Variants in ADAMTSL3 observed in about 807,000 individuals in gnomAD.
The protein encoded by ADAMTSL3 is ADAMTS like 3, also known as ADAMTS-like protein 3.
Under a neutral mutation model 201.7 loss-of-function variants are expected in ADAMTSL3, and 128 were observed. The observed-to-expected ratio is 0.63, with a 90% CI of 0.55 to 0.73. The LOEUF (loss-of-function observed/expected upper bound fraction) is 0.73. Ranked by LOEUF, ADAMTSL3 falls within the 30% of genes least tolerant of loss-of-function variation. The probability of loss-of-function intolerance (pLI) is 0.00; values close to 1 mark genes in which losing one functional copy is unlikely to be tolerated. For missense variants in ADAMTSL3, 1,990 were observed against 2,119.6 expected (o/e 0.94, Z 1.20); for synonymous variants, 738 against 748.4 (o/e 0.99, Z 0.23).
At chr15:83,920,110 C>T (rs1217534710) in intron 16 of ADAMTSL3, among the ~76,000 whole-genome samples, 2 of 152,150 alleles carry the variant, frequency 1.3e-5, no homozygotes, top group East Asian at 3.8e-4. Flanking sequence ...CATGTAAATG[C>T]ACTCTATTTT....
chr15:83,750,308 A>ACAGGG (rs2062618680), intron 3 of ADAMTSL3, among the ~76,000 whole-genome samples: 1 of 152,246 alleles, frequency 6.6e-6, no homozygotes, highest in Non-Finnish European at 1.5e-5. Context: ...CTACTTAAAT[A>ACAGGG]ATAATGAAAA....
intron 3 of ADAMTSL3, among the ~76,000 whole-genome samples, chr15:83,769,268 A>G (rs1007322501): frequency 5.3e-5 from 8 of 152,152 alleles, no homozygotes; most frequent in African/African-American, 1.9e-4. Context: ...TTCACATTCA[A>G]CCTTTTGGTA....
chr15:83,790,050 TTAAA>T (rs1596213036), intron 4 of ADAMTSL3, among the ~76,000 whole-genome samples: 2 of 151,738 alleles, frequency 1.3e-5, no homozygotes, highest in East Asian at 1.9e-4. Context: ...AATAAGTAAT[TTAAA>T]TAACACCATA....
chr15:83,798,857 C>T (rs73437294), intron 4 of ADAMTSL3, among the ~76,000 whole-genome samples: 36 of 148,056 alleles, frequency 2.4e-4, no homozygotes, highest in African/African-American at 7.9e-4. Flanking sequence ...CACTTTTTGG[C>T]TATAATGAAA....
intron 5 of ADAMTSL3, among the ~76,000 whole-genome samples, chr15:83,808,842 G>C (rs1349400599): frequency 1.3e-5 from 2 of 150,620 alleles, no homozygotes; most frequent in Non-Finnish European, 2.9e-5. Flanking sequence ...TGAATCTAGA[G>C]GATATTATGT....
At chr15:84,024,562 A>G (rs1194474115) in intron 26 of ADAMTSL3, among the ~76,000 whole-genome samples, 1 of 152,222 alleles carries the variant, frequency 6.6e-6, no homozygotes, top group African/African-American at 2.4e-5. Context: ...GTTTCCTTGG[A>G]TAACCATGGA....
At chr15:84,003,860 C>T (rs965553146) in intron 23 of ADAMTSL3, among the ~76,000 whole-genome samples, 1 of 152,150 alleles carries the variant, frequency 6.6e-6, no homozygotes. Context: ...TAGTTCATTC[C>T]GGCTGCTATG....
chr15:83,979,046 C>T (rs2067339359), intron 20 of ADAMTSL3, among the ~76,000 whole-genome samples: 1 of 152,236 alleles, frequency 6.6e-6, no homozygotes, highest in South Asian at 2.1e-4. Flanking sequence ...ACCCACTTTC[C>T]TGCTGGTCCC....
chr15:83,857,482 A>G (rs1252038150), intron 7 of ADAMTSL3, among the ~76,000 whole-genome samples: 2 of 152,046 alleles, frequency 1.3e-5, no homozygotes, highest in African/African-American at 2.4e-5. Flanking sequence ...TACTTTTATC[A>G]GTTGTAGAGT....
At chr15:83,726,695 C>CATTG (rs2062181040) in intron 3 of ADAMTSL3, among the ~76,000 whole-genome samples, 1 of 151,790 alleles carries the variant, frequency 6.6e-6, no homozygotes, top group Admixed American at 6.6e-5. Flanking sequence ...TGATGTGTCA[C>CATTG]ATTGATTTGC....
chr15:83,706,286 A>G (rs1456488797), intron 3 of ADAMTSL3, among the ~76,000 whole-genome samples: 1 of 152,188 alleles, frequency 6.6e-6, no homozygotes, highest in Non-Finnish European at 1.5e-5. Flanking sequence ...TAATAACAAT[A>G]TAAAAGCTGG....
At chr15:83,852,745 T>G (rs1404908304) in intron 7 of ADAMTSL3, among the ~76,000 whole-genome samples, 1 of 152,206 alleles carries the variant, frequency 6.6e-6, no homozygotes, top group African/African-American at 2.4e-5. Context: ...TCTTTGACAT[T>G]TAATTTTGCT....
At position 83,982,745 on chromosome 15, in the gene ADAMTSL3, C is replaced by T. The variant is rs751554655; in HGVS notation, c.3117C>T (p.Asn1039=). The T allele has an allele frequency of 1.2e-6, 2 of 1,613,986 alleles. No homozygotes were observed. Among genetic ancestry groups the T allele is most frequent in the African/African-American group, 1.3e-5 (1 of 75,026 alleles). ...TWHKMRQMWN[N]KNDLYLDDDH... ...ACAAAATGAGGCAAATGTGGAATAA[C>T]AAAAATGACCTTTATCTGGATGATG... The change falls in exon 21 of 30, where the codon AAC becomes AAT. Residue 1039 remains asparagine, a synonymous_variant. Transcript: ENST00000286744.
chr15:83,891,523 T>C, intron 12 of ADAMTSL3, 144 bp downstream of exon 12: 1 of 642,216 alleles, frequency 1.6e-6, no homozygotes, highest in Non-Finnish European at 2.6e-6. Context: ...TACTCAATAA[T>C]AGGAAAAATC....
chr15:83,887,934 C>T (rs1005001810), intron 10 of ADAMTSL3, among the ~76,000 whole-genome samples: 2 of 152,116 alleles, frequency 1.3e-5, no homozygotes, highest in Admixed American at 6.5e-5. Flanking sequence ...TGTTCTTACA[C>T]ATAGTCATTC....
Position 83,885,967 on chromosome 15 carries a change from A to G in ADAMTSL3, c.1072+755A>G, listed in dbSNP as rs193077369. Reference sequence around the variant, plus strand: ...TTGAACTCCCAACCTCAGGTGATCTACCTACCTTGGTCTCCCAAAGTGCTG... The same window carrying G: ...TTGAACTCCCAACCTCAGGTGATCTGCCTACCTTGGTCTCCCAAAGTGCTG... On this transcript the variant is annotated intron_variant, in intron 10 of 29. Transcript: ENST00000286744. Among the ~76,000 whole-genome samples, 49 of 152,146 alleles carry G rather than the reference A, an allele frequency of 3.2e-4. No homozygotes were observed. The Middle Eastern group carries it at 0.014, about 42-fold the overall frequency.
At chr15:83,740,608 G>A (rs74024555) in intron 3 of ADAMTSL3, among the ~76,000 whole-genome samples, 2,158 of 152,086 alleles carry the variant, frequency 0.014, 51 homozygotes, top group African/African-American at 0.046. Context: ...TAACACAAAC[G>A]GACATAAAGA....
intron 19 of ADAMTSL3, among the ~76,000 whole-genome samples, chr15:83,960,180 G>A (rs1237870792): frequency 6.6e-6 from 1 of 152,108 alleles, no homozygotes; most frequent in Non-Finnish European, 1.5e-5. Context: ...AGGGCTTTCT[G>A]TTAAAAGATG....
chr15:83,879,539 G>A (rs946620649), intron 9 of ADAMTSL3, among the ~76,000 whole-genome samples: 5 of 152,104 alleles, frequency 3.3e-5, no homozygotes, highest in Non-Finnish European at 5.9e-5. Flanking sequence ...ATCCAACCAT[G>A]AGGGAATTTT....
Sources: gnomAD v4.1 joint callset for allele counts (sites outside exome capture counted in the v4.1 genomes callset) on GRCh38, gnomAD v4.1.1 for gene constraint, MANE v1.5 for transcripts, NCBI Gene and HGNC (gene_info 2026-07-23, HGNC 2026-07-21) for gene names.